The following DTD1 variants were observed in gnomAD, a reference collection of about 807,000 sequenced individuals.
DTD1 encodes the protein D-aminoacyl-tRNA deacylase 1.
DTD1 carries 13 observed loss-of-function variants against 25.6 expected under a neutral mutation model. The observed-to-expected ratio is 0.51, with a 90% confidence interval of 0.33 to 0.81. The LOEUF (loss-of-function observed/expected upper bound fraction) is 0.81, where lower values mean the gene tolerates loss of function less well. DTD1 is among the 30% of genes least tolerant of loss of function. The pLI is 0.02. For synonymous variants in DTD1, 110 were observed against 103.6 expected, an observed-to-expected ratio of 1.06 and a Z score of -0.37; for missense variants, 193 against 266.4, an observed-to-expected ratio of 0.72 and a Z score of 1.92.
chr20:18,667,609 C>G (rs2060936534), intron 4 of DTD1, among the ~76,000 whole-genome samples: 1 of 152,194 alleles, frequency 6.6e-6, no homozygotes, highest in Admixed American at 6.5e-5. Context: ...ATTTGTTGAT[C>G]CAATGAAGGC....
intron 4 of DTD1, among the ~76,000 whole-genome samples, chr20:18,635,789 G>A (rs1158659334): frequency 6.6e-6 from 1 of 152,136 alleles, no homozygotes; most frequent in Non-Finnish European, 1.5e-5. Context: ...TACAAGGCTG[G>A]CATGACTGTC....
chr20:18,634,749 T>C (rs994119207), intron 4 of DTD1, among the ~76,000 whole-genome samples: 8 of 151,964 alleles, frequency 5.3e-5, no homozygotes, highest in African/African-American at 1.9e-4. Context: ...AAGAATTACA[T>C]TTGGTTTTAT....
At chr20:18,628,327 A>G in intron 4 of DTD1, 94 bp downstream of exon 4, 1 of 932,094 alleles carries the variant, frequency 1.1e-6, no homozygotes, top group Non-Finnish European at 1.7e-6. Flanking sequence ...GAAATACATC[A>G]TTGTTGCAAC....
chr20:18,651,126 A>G (rs930812310), intron 4 of DTD1, among the ~76,000 whole-genome samples: 9 of 152,198 alleles, frequency 5.9e-5, no homozygotes, highest in Non-Finnish European at 1.0e-4. Flanking sequence ...AAGCTGTTAC[A>G]ACAGCTGGTT....
chr20:18,662,579 G>A (rs74171694), intron 4 of DTD1, among the ~76,000 whole-genome samples: 1,566 of 152,310 alleles, frequency 0.01, 19 homozygotes, highest in Admixed American at 0.014. Flanking sequence ...TCAATACAGC[G>A]TTATCCAAAC....
intron 4 of DTD1, among the ~76,000 whole-genome samples, chr20:18,699,706 G>A (rs1600378008): frequency 6.6e-6 from 1 of 152,156 alleles, no homozygotes; most frequent in South Asian, 2.1e-4. Context: ...CTGAGGAGGT[G>A]AGCATTTGGA....
chr20:18,744,012 G>A lies in DTD1; in HGVS notation c.478-88G>A, dbSNP rs931646065. 10 of 1,425,960 alleles carry A rather than the reference G, an allele frequency of 7.0e-6. No homozygotes were observed. In the African/African-American group the frequency reaches 1.4e-4, roughly 21 times the overall value. 88.3% of individuals were successfully genotyped at this position (1,425,960 alleles called of 1,614,324 possible). ...GTTATCAGAAAAAAACTTTTCAATG[G>A]TTCCCACCTGGGAAGTCACTGGTGT... On this transcript the variant is annotated intron_variant, in intron 4 of 5. Coordinates refer to ENST00000377452, the MANE Select transcript of DTD1 (RefSeq NM_080820.6).
intron 4 of DTD1, among the ~76,000 whole-genome samples, chr20:18,677,465 T>C (rs2060980910): frequency 6.6e-6 from 1 of 152,114 alleles, no homozygotes. Flanking sequence ...CACAGAGAAC[T>C]GGGGAGGGGT....
At chr20:18,707,592 C>G (rs2122469750) in intron 4 of DTD1, among the ~76,000 whole-genome samples, 1 of 152,254 alleles carries the variant, frequency 6.6e-6, no homozygotes, top group Middle Eastern at 3.4e-3. Flanking sequence ...TGGCTCTTTT[C>G]AAGGTGAACT....
intron 3 of DTD1, among the ~76,000 whole-genome samples, chr20:18,618,526 G>A (rs1394982685): frequency 6.8e-6 from 1 of 147,640 alleles, no homozygotes; most frequent in African/African-American, 2.5e-5. Context: ...AGCTAATATA[G>A]ATATAAAAAT....
At chr20:18,696,923 G>C (rs1404560227) in intron 4 of DTD1, among the ~76,000 whole-genome samples, 4 of 151,320 alleles carry the variant, frequency 2.6e-5, no homozygotes, top group Non-Finnish European at 5.9e-5. Flanking sequence ...CTCAAGATTG[G>C]GTAAATCTCT....
rs576831377 is a variant in DTD1 at position 18,661,479 on chromosome 20, C to T, written c.477+33246C>T. Among the ~76,000 whole-genome samples the T allele has an allele frequency of 5.4e-5, 8 of 148,580 alleles. No homozygotes were observed. In the South Asian group the frequency reaches 1.5e-3, roughly 28 times the overall value. On this transcript the variant is annotated intron_variant, in intron 4 of 5. Coordinates refer to ENST00000377452, the MANE Select transcript of DTD1 (RefSeq NM_080820.6). ...CTCTGCCTCCCAGGTTCATGCCATTCTCCTGCCTCAGCCTCCTGAGTAGCT... is the reference window on the plus strand; with the variant it reads ...CTCTGCCTCCCAGGTTCATGCCATTTTCCTGCCTCAGCCTCCTGAGTAGCT...
At chr20:18,639,452 G>A (rs2060820450) in intron 4 of DTD1, among the ~76,000 whole-genome samples, 1 of 152,146 alleles carries the variant, frequency 6.6e-6, no homozygotes, top group Non-Finnish European at 1.5e-5. Context: ...ATGTTTCCTG[G>A]TGTTCATTGA....
At chr20:18,653,674 T>TCTGGCA (rs2060882110) in intron 4 of DTD1, among the ~76,000 whole-genome samples, 1 of 152,196 alleles carries the variant, frequency 6.6e-6, no homozygotes, top group Admixed American at 6.5e-5. Context: ...GGATAGTAGC[T>TCTGGCA]CTGGCATTCT....
chr20:18,679,142 C>T (rs1247889991), intron 4 of DTD1, among the ~76,000 whole-genome samples: 3 of 152,228 alleles, frequency 2.0e-5, no homozygotes, highest in African/African-American at 7.2e-5. Context: ...CAAGACCATC[C>T]TTTTGAGTTG....
At chr20:18,720,810 A>G (rs1005741672) in intron 4 of DTD1, among the ~76,000 whole-genome samples, 1 of 152,188 alleles carries the variant, frequency 6.6e-6, no homozygotes, top group African/African-American at 2.4e-5. Flanking sequence ...GTGAGCCGAG[A>G]TCAAACCACT....
intron 4 of DTD1, among the ~76,000 whole-genome samples, chr20:18,732,386 G>A (rs1383845576): frequency 1.3e-5 from 2 of 152,206 alleles, no homozygotes; most frequent in Non-Finnish European, 2.9e-5. Flanking sequence ...GGTAATAGAT[G>A]TTGACTAAAG....
intron 4 of DTD1, among the ~76,000 whole-genome samples, chr20:18,726,713 C>G (rs998507223): frequency 5.9e-5 from 9 of 152,168 alleles, no homozygotes; most frequent in African/African-American, 2.2e-4. Context: ...GATACCATTC[C>G]CAATACCTCT....
intron 4 of DTD1, among the ~76,000 whole-genome samples, chr20:18,725,100 T>C (rs6035109): frequency 0.83 from 126,271 of 151,256 alleles, 53,461 homozygotes; most frequent in Non-Finnish European, 0.93. Flanking sequence ...AGGGCTACCC[T>C]GCAGGCAGAG....
Sources: gnomAD v4.1 joint callset for allele counts (sites outside exome capture counted in the v4.1 genomes callset) on GRCh38, gnomAD v4.1.1 for gene constraint, MANE v1.5 for transcripts, NCBI Gene and HGNC (gene_info 2026-07-23, HGNC 2026-07-21) for gene names.